UNC13C: variants seen among roughly 807,000 people sequenced by gnomAD.
UNC13C encodes protein unc-13 homolog C.
In UNC13C, 174 loss-of-function variants were observed where a neutral mutation model predicts 245.4. The ratio of observed to expected loss-of-function variants is 0.71; its 90% CI spans 0.63 to 0.80. The LOEUF (loss-of-function observed/expected upper bound fraction) is 0.80. Among genes scored for constraint, UNC13C ranks in the 30% least tolerant of loss-of-function variants. The probability of loss-of-function intolerance (pLI) is 0.00; values close to 1 mark genes in which losing one functional copy is unlikely to be tolerated. For missense variants in UNC13C, 2,829 were observed against 2,602.9 expected, an observed-to-expected ratio of 1.09 and a Z score of -1.89; for synonymous variants, 992 against 895.1, an observed-to-expected ratio of 1.11 and a Z score of -1.93.
chr15:54,102,836 A>G (rs1459630615), intron 2 of UNC13C, among the ~76,000 whole-genome samples: 3 of 152,208 alleles, frequency 2.0e-5, no homozygotes, highest in Non-Finnish European at 2.9e-5. Flanking sequence ...GATAAAAAGA[A>G]GAACATTTGA....
chr15:53,846,860 G>A, the UNC13C span, among the ~76,000 whole-genome samples: 132,991 of 152,224 alleles, frequency 0.87, 60,136 homozygotes, highest in Middle Eastern at 0.99. Context: ...CAGACTGAGA[G>A]TGAGACAGAG....
At chr15:54,482,066 G>C (rs759786736) in intron 19 of UNC13C, among the ~76,000 whole-genome samples, 2 of 152,094 alleles carry the variant, frequency 1.3e-5, no homozygotes, top group African/African-American at 4.8e-5. Context: ...ACTTTGTCTC[G>C]CTTTTTTCTC....
intron 8 of UNC13C, among the ~76,000 whole-genome samples, chr15:54,250,749 C>CTTT (rs1296024773): frequency 3.7e-3 from 331 of 88,870 alleles, no homozygotes; most frequent in Non-Finnish European, 5.8e-3. Context: ...TTCTTTCTTT[C>CTTT]TTTTTTTTTT....
Position 54,015,269 on chromosome 15 carries a change from A to T in UNC13C, c.2366A>T (p.Asp789Val), listed in dbSNP as rs768126072. ...AGTCGATTAAGCATTGACCTTTCTGATAAGACTTTCAGCTTCCCAAAATTT... is the reference window on the plus strand; with the variant it reads ...AGTCGATTAAGCATTGACCTTTCTGTTAAGACTTTCAGCTTCCCAAAATTT... The part of the protein sequence containing the change: ...WHSRLSIDLS[D>V]KTFSFPKFGS... Residue 789 changes from aspartate to valine, a missense_variant, in exon 2 of 33, where the codon GAT (aspartate) becomes GTT (valine). Coordinates refer to ENST00000260323, the MANE Select transcript of UNC13C (RefSeq NM_001080534.3). 6.2e-7 allele frequency: 1 copy of T among 1,603,602 alleles called. No homozygotes were observed. The highest frequency in any genetic ancestry group is 1.7e-5 in the Admixed American group (1 of 59,188).
chr15:54,630,400 T>C (rs1901433797), downstream of UNC13C: 1 of 147,008 alleles, frequency 6.8e-6, no homozygotes, highest in African/African-American at 2.7e-5. Flanking sequence ...TTAAAAACAA[T>C]GCGTGAAACA....
rs554908994 is a variant in UNC13C, at chr15:54,414,042, C to A, written c.4848-940C>A. 5.9e-5 allele frequency among the ~76,000 whole-genome samples: 9 copies of A among 152,132 alleles called. No individual in the cohort carries two copies. The South Asian group carries it at 1.9e-3, about 32-fold the overall frequency. Reference sequence around the variant, plus strand: ...TCATGAGACTGAAAACACATGCAAACAAAATAAATTTTTAGAAGCAGTCAG... The same window carrying A: ...TCATGAGACTGAAAACACATGCAAAAAAAATAAATTTTTAGAAGCAGTCAG... On this transcript the variant is annotated intron_variant, in intron 18 of 32. Coordinates refer to ENST00000260323, the MANE Select transcript of UNC13C (RefSeq NM_001080534.3).
At chr15:54,281,206 A>G (rs1288062199) in intron 10 of UNC13C, among the ~76,000 whole-genome samples, 1 of 152,192 alleles carries the variant, frequency 6.6e-6, no homozygotes, top group Non-Finnish European at 1.5e-5. Flanking sequence ...TTATTTTTCC[A>G]AAACTTTTAT....
intron 1 of UNC13C, among the ~76,000 whole-genome samples, chr15:54,001,297 T>C (rs1207144820): frequency 6.6e-6 from 1 of 152,198 alleles, no homozygotes; most frequent in Non-Finnish European, 1.5e-5. Flanking sequence ...AGGGTGTTTG[T>C]ATGCATTGGA....
At chr15:54,221,092 G>T in intron 4 of UNC13C, among the ~76,000 whole-genome samples, 1 of 151,928 alleles carries the variant, frequency 6.6e-6, no homozygotes. Flanking sequence ...AATTTATTTT[G>T]TGTATATTTT....
intron 22 of UNC13C, among the ~76,000 whole-genome samples, chr15:54,501,329 A>G (rs950159206): frequency 6.6e-6 from 1 of 152,172 alleles, no homozygotes; most frequent in African/African-American, 2.4e-5. Flanking sequence ...GTTTTAGCAG[A>G]CATTGTAGTA....
At chr15:54,324,884 GCCACATGCA>G (rs1021824435) in intron 14 of UNC13C, among the ~76,000 whole-genome samples, 4 of 152,040 alleles carry the variant, frequency 2.6e-5, no homozygotes. Flanking sequence ...CAGCCCGTGG[GCCACATGCA>G]GCCCAGAGTG....
chr15:54,042,726 G>A (rs913083701), intron 2 of UNC13C, among the ~76,000 whole-genome samples: 15 of 152,110 alleles, frequency 9.9e-5, no homozygotes, highest in African/African-American at 3.6e-4. Context: ...GGTGGTGGGT[G>A]CCTGTGGTAC....
chr15:53,868,495 G>A, the UNC13C span, among the ~76,000 whole-genome samples: 1 of 152,252 alleles, frequency 6.6e-6, no homozygotes, highest in East Asian at 1.9e-4. Context: ...TAGGGGTCAG[G>A]TGAGAAGGAG....
intron 2 of UNC13C, among the ~76,000 whole-genome samples, chr15:54,051,762 C>CT (rs146812288): frequency 0.16 from 23,453 of 145,312 alleles, 1,911 homozygotes; most frequent in Admixed American, 0.21. Flanking sequence ...TTCTTTCTTT[C>CT]TTTTTTTTTT....
At chr15:54,266,465 G>A (rs1463920874) in intron 10 of UNC13C, among the ~76,000 whole-genome samples, 1 of 151,910 alleles carries the variant, frequency 6.6e-6, no homozygotes, top group Non-Finnish European at 1.5e-5. Flanking sequence ...TTGGAGTCAC[G>A]TAAATGAATA....
At chr15:54,562,618 A>G (rs1317414305) in intron 29 of UNC13C, among the ~76,000 whole-genome samples, 2 of 152,004 alleles carry the variant, frequency 1.3e-5, no homozygotes, top group Non-Finnish European at 2.9e-5. Flanking sequence ...TCAAAGAAAA[A>G]TCTGCTCTCC....
In UNC13C at chr15:54,236,301, A is replaced by C. The variant is rs1428433853; in HGVS notation, c.3151-129A>C. On this transcript the variant is annotated intron_variant, in intron 5 of 32. Coordinates refer to ENST00000260323, the MANE Select transcript of UNC13C (RefSeq NM_001080534.3). ...ATAACATGTCAGTACATTTAGTTCA[A>C]ATTTCTGTCTTCACTATGTGGAAAT... The C allele has an allele frequency of 4.2e-6, 3 of 713,672 alleles. No individual in the cohort carries two copies. In the South Asian group the frequency reaches 6.1e-5, roughly 14 times the overall value. 44.2% of individuals were successfully genotyped at this position (713,672 alleles called of 1,614,324 possible).
At chr15:54,144,395 A>G (rs1021467395) in intron 4 of UNC13C, among the ~76,000 whole-genome samples, 1 of 152,118 alleles carries the variant, frequency 6.6e-6, no homozygotes, top group African/African-American at 2.4e-5. Context: ...CATGAATTTA[A>G]TGCTGACTTT....
At chr15:54,430,930 G>A (rs972320594) in intron 19 of UNC13C, among the ~76,000 whole-genome samples, 1 of 151,614 alleles carries the variant, frequency 6.6e-6, no homozygotes, top group Non-Finnish European at 1.5e-5. Context: ...GTCTTCCCAC[G>A]GGAAATTTCA....
Sources: allele counts gnomAD v4.1 joint callset (sites outside exome capture counted in the v4.1 genomes callset), GRCh38; gene constraint gnomAD v4.1.1; transcripts MANE v1.5; gene names NCBI Gene and HGNC (gene_info 2026-07-23, HGNC 2026-07-21).